SPATA22: variants seen among roughly 807,000 people sequenced by gnomAD.
SPATA22 encodes spermatogenesis associated 22.
Under a neutral mutation model 47.8 loss-of-function variants are expected in SPATA22, and 29 were observed. The ratio of observed to expected loss-of-function variants is 0.61; its 90% CI spans 0.45 to 0.83. SPATA22 has a LOEUF of 0.83. Among genes scored for constraint, SPATA22 ranks in the 40% least tolerant of loss-of-function variants. The probability of loss-of-function intolerance (pLI) is 0.00; values close to 1 mark genes in which losing one functional copy is unlikely to be tolerated. For missense variants in SPATA22, 410 were observed against 421.7 expected (o/e 0.97, Z 0.24); for synonymous variants, 133 against 140.9 (o/e 0.94, Z 0.40).
At chr17:3,443,773 A>T (rs1402899695) in intron 7 of SPATA22, among the ~76,000 whole-genome samples, 1 of 151,970 alleles carries the variant, frequency 6.6e-6, no homozygotes, top group Admixed American at 6.6e-5. Flanking sequence ...GGTATACAAC[A>T]TATTTTCATA....
intron 5 of SPATA22, among the ~76,000 whole-genome samples, chr17:3,460,814 A>AAAAAAAAAAAAAAG (rs1555535972): frequency 7.1e-6 from 1 of 140,106 alleles, no homozygotes; most frequent in East Asian, 2.2e-4. Context: ...AAAAAAAAAA[A>AAAAAAAAAAAAAAG]GATTAAAAAT....
chr17:3,490,886 C>T lies in SPATA22; in HGVS notation c.-73-21488G>A, dbSNP rs914475475. On this transcript the variant is annotated intron_variant, in intron 1 of 8. Coordinates refer to the SPATA22 transcript ENST00000541913. The surrounding 1 kb of genome is among the most constrained non-coding windows in gnomAD (Gnocchi z 4.6). The stretch of plus-strand genomic sequence containing the variant: ...CCTTAACCCCTTATCTCTGCTTCAA[C>T]CAGAGCTCTTCTGTGTAACATTTCA... Among the ~76,000 whole-genome samples the T allele has an allele frequency of 1.3e-5, 2 of 152,180 alleles. No individual in the cohort carries two copies. The highest frequency in any genetic ancestry group is 1.5e-5 in the Non-Finnish European group (1 of 68,022).
intron 5 of SPATA22, among the ~76,000 whole-genome samples, chr17:3,452,152 T>A (rs1299416633): frequency 1.3e-5 from 2 of 151,048 alleles, no homozygotes; most frequent in South Asian, 4.2e-4. Context: ...AATGCCCAAG[T>A]GGAAATAAAA....
intron 1 of SPATA22, among the ~76,000 whole-genome samples, chr17:3,505,630 G>A (rs143241989): frequency 1.4e-4 from 21 of 152,314 alleles, no homozygotes; most frequent in East Asian, 5.8e-4. Context: ...AGGCCTATAC[G>A]GGTCATGGAT....
intron 5 of SPATA22, among the ~76,000 whole-genome samples, chr17:3,457,880 C>G (rs998476127): frequency 2.0e-5 from 3 of 152,096 alleles, no homozygotes; most frequent in Non-Finnish European, 4.4e-5. Context: ...TAGGAAAAAA[C>G]GCAGAGAACA....
intron 1 of SPATA22, chr17:3,499,931 G>A (rs2073970093): frequency 6.6e-6 from 1 of 152,194 alleles, no homozygotes; most frequent in Non-Finnish European, 1.5e-5. Context: ...GCCAAGTTGT[G>A]AATTCAAAGA....
Position 3,510,024 on chromosome 17 carries a change from G to C in SPATA22, c.-74+3388C>G, listed in dbSNP as rs950876028. 2.8e-4 allele frequency among the ~76,000 whole-genome samples: 42 copies of C among 151,944 alleles called. 1 individual carries two copies. Among genetic ancestry groups the C allele is most frequent in the Admixed American group, 2.8e-3 (42 of 15,256 alleles). On this transcript the variant is annotated intron_variant, in intron 1 of 8. Coordinates refer to the SPATA22 transcript ENST00000541913. ...TTTTTGATGGGGTTGTTTTTTTCTT[G>C]TAAATATGTTTAAGTTACTTGTAAA...
intron 3 of SPATA22, among the ~76,000 whole-genome samples, chr17:3,465,119 T>C (rs2073263162): frequency 1.9e-5 from 2 of 107,810 alleles, no homozygotes; most frequent in African/African-American, 3.8e-5. Flanking sequence ...GTGAGGAGCG[T>C]CTCCGCCCGG....
intron 5 of SPATA22, among the ~76,000 whole-genome samples, chr17:3,458,886 A>T (rs1256803855): frequency 6.9e-6 from 1 of 144,154 alleles, no homozygotes; most frequent in Non-Finnish European, 1.6e-5. Flanking sequence ...AAAAATTCCA[A>T]GATACGTAAA....
At chr17:3,495,207 C>T (rs2073889927) in intron 1 of SPATA22, among the ~76,000 whole-genome samples, 1 of 152,178 alleles carries the variant, frequency 6.6e-6, no homozygotes, top group Non-Finnish European at 1.5e-5. Context: ...GTGCAAGTGG[C>T]CTGCACACTC....
At chr17:3,472,616 C>T (rs2073460169), upstream of SPATA22, among the ~76,000 whole-genome samples, 1 of 152,198 alleles carries the variant, frequency 6.6e-6, no homozygotes, top group Non-Finnish European at 1.5e-5. Flanking sequence ...ACAGTAGCTG[C>T]CATTTATCCG....
chr17:3,489,398 A>C, intron 1 of SPATA22: 1 of 1,398,850 alleles, frequency 7.1e-7, no homozygotes, highest in Non-Finnish European at 1.0e-6. Context: ...TTTAAATAAC[A>C]ATTGGAACCT....
chr17:3,453,867 G>T (rs1247536884), intron 5 of SPATA22, among the ~76,000 whole-genome samples: 2 of 152,120 alleles, frequency 1.3e-5, no homozygotes, highest in Non-Finnish European at 2.9e-5. Flanking sequence ...AGTCTTGGAA[G>T]TCCTAGCCAA....
chr17:3,485,505 C>T lies in SPATA22; in HGVS notation c.-73-16107G>A, dbSNP rs963977491. Among the ~76,000 whole-genome samples, 3 of 152,282 alleles carry T rather than the reference C, an allele frequency of 2.0e-5. No homozygotes were observed. Among genetic ancestry groups the T allele is most frequent in the African/African-American group, 7.2e-5 (3 of 41,560 alleles). On this transcript the variant is annotated intron_variant, in intron 1 of 8. Coordinates refer to the SPATA22 transcript ENST00000541913. The surrounding 1 kb of genome is among the most constrained non-coding windows in gnomAD (Gnocchi z 4.4). ...TCCAGCCGGGGCAACAAAAGTGAAA[C>T]TCCGTCTCAAAAAAACAAACAAACA...
chr17:3,504,444 C>T (rs1434853429), intron 1 of SPATA22, among the ~76,000 whole-genome samples: 1 of 151,610 alleles, frequency 6.6e-6, no homozygotes, highest in South Asian at 2.1e-4. Context: ...AAGTGAAACA[C>T]TTCGTTTTAC....
At chr17:3,457,200 G>A (rs2150714533) in intron 5 of SPATA22, among the ~76,000 whole-genome samples, 1 of 151,910 alleles carries the variant, frequency 6.6e-6, no homozygotes, top group South Asian at 2.1e-4. Flanking sequence ...TCTGGCCAGG[G>A]CAATTAGGCA....
upstream of SPATA22, chr17:3,476,021 TATAC>T: frequency 1.3e-6 from 1 of 756,878 alleles, no homozygotes. Context: ...AAAATTAAAA[TATAC>T]TCCACTCAAG....
chr17:3,469,171 G>A (rs538491312), intron 2 of SPATA22, 112 bp downstream of exon 2: 11 of 544,708 alleles, frequency 2.0e-5, no homozygotes, highest in African/African-American at 1.9e-4. Flanking sequence ...AAAGTAAAGA[G>A]GCTAGATTAA....
chr17:3,464,025 T>C (rs1312776958), intron 3 of SPATA22, among the ~76,000 whole-genome samples: 2 of 145,668 alleles, frequency 1.4e-5, no homozygotes, highest in Non-Finnish European at 3.0e-5. Context: ...CTCCCTCTCA[T>C]GCCAAGCCGA....
Sources: gnomAD v4.1 joint callset for allele counts (sites outside exome capture counted in the v4.1 genomes callset) on GRCh38, gnomAD v4.1.1 for gene constraint, Gnocchi (gnomAD v3.1) non-coding constraint, MANE v1.5 for transcripts, NCBI Gene and HGNC (gene_info 2026-07-23, HGNC 2026-07-21) for gene names.